Variants in TASOR observed in about 807,000 individuals in gnomAD.
TASOR encodes protein TASOR.
A neutral mutation model predicts 178.6 loss-of-function variants in TASOR; 53 were observed. That is an observed-to-expected ratio of 0.30 (90% CI 0.24 to 0.37). The LOEUF (loss-of-function observed/expected upper bound fraction) is 0.37, where lower values mean the gene tolerates loss of function less well. Among genes scored for constraint, TASOR ranks in the 10% least tolerant of loss-of-function variants. The pLI, the probability that TASOR is intolerant of heterozygous loss-of-function variation, is 1.00. For missense variants in TASOR, 1,815 were observed against 1,971.4 expected, an observed-to-expected ratio of 0.92 and a Z score of 1.50; for synonymous variants, 713 against 696.2, an observed-to-expected ratio of 1.02 and a Z score of -0.38.
At position 56,627,624 on chromosome 3, in the gene TASOR, C is replaced by A; in HGVS notation, c.3988G>T (p.Val1330Leu). The change falls in exon 20 of 24, where the codon GTA becomes TTA. Residue 1330 changes from valine (V) to leucine (L), a missense_variant. Val to Leu is a conservative substitution (Grantham distance 32). This residue lies in a region of TASOR where 134 missense variants were observed against 195.2 expected (regional missense o/e 0.69). Coordinates refer to ENST00000683822, the MANE Select transcript of TASOR (RefSeq NM_001365635.2). ...NELFVSGGFI[V>L]SDESILNPEV... ...GGGTTTAGAATTGATTCATCAGATA[C>A]GATAAAACCTCCAGATACAAATAAT... 1 of 1,614,016 alleles carries A rather than the reference C, an allele frequency of 6.2e-7. No individual in the cohort carries two copies. Among genetic ancestry groups the A allele is most frequent in the Non-Finnish European group, 8.5e-7 (1 of 1,179,940 alleles).
chr3:56,661,076 T>A, intron 9 of TASOR, 59 bp from the exon 10 acceptor site: 1 of 1,083,180 alleles, frequency 9.2e-7, no homozygotes, highest in Non-Finnish European at 1.4e-6. Context: ...CTAGCAATCT[T>A]AACACATACA....
At chr3:56,667,951 T>C (rs1176847278) in intron 6 of TASOR, among the ~76,000 whole-genome samples, 2 of 152,198 alleles carry the variant, frequency 1.3e-5, no homozygotes, top group East Asian at 1.9e-4. Flanking sequence ...TTAATAAAGA[T>C]AGAAAATACC....
intron 7 of TASOR, among the ~76,000 whole-genome samples, chr3:56,664,769 T>C (rs1292131323): frequency 2.0e-5 from 3 of 152,220 alleles, no homozygotes; most frequent in African/African-American, 7.2e-5. Flanking sequence ...AAAGCATTTT[T>C]AGAATCAACA....
At chr3:56,653,108 C>A in intron 11 of TASOR, among the ~76,000 whole-genome samples, 1 of 151,486 alleles carries the variant, frequency 6.6e-6, no homozygotes, top group Admixed American at 6.6e-5. Context: ...ACTAAATACA[C>A]GAAAATTAGC....
chr3:56,621,194 C>A lies in TASOR; in HGVS notation c.*1843G>T, dbSNP rs1357248491. 1 of 161,348 alleles carries A rather than the reference C, an allele frequency of 6.2e-6. No homozygotes were observed. The highest frequency in any genetic ancestry group is 1.8e-4 in the East Asian group (1 of 5,606). The allele number at this position is 161,348 out of a possible 1,614,324, so 10.0% of individuals were successfully genotyped here. A position where few individuals can be genotyped will look rare whatever the true frequency, so the allele number is the denominator to read the frequency against. ...CAAAACAACAACAACAAAAAAAAAA[C>A]ACTGTATGTTAAGGGAGACTCCTTC... On this transcript the variant is annotated 3_prime_UTR_variant, in exon 24 of 24. Transcript: ENST00000683822.
Position 56,624,558 on chromosome 3 carries a change from AT to A in TASOR, c.4403del (p.Asn1468IlefsTer30). ...TGATTGAATTGTGATAGCCCACAAG[AT>A]TTTTAAAGTTTTGCATGAAGTCTTC... Reference protein sequence around the residue: ...TAEDFMQNFKNLVGYHNSITE... With the variant: ...TAEDFMQNFKXLVGYHNSITE... On this transcript the variant is annotated frameshift_variant, in exon 23 of 24. Coordinates refer to ENST00000683822, the MANE Select transcript of TASOR (RefSeq NM_001365635.2). LOFTEE classifies it high-confidence loss of function. The A allele has an allele frequency of 6.2e-7, 1 of 1,614,134 alleles. No individual in the cohort carries two copies. Among genetic ancestry groups the A allele is most frequent in the Non-Finnish European group, 8.5e-7 (1 of 1,180,002 alleles).
At chr3:56,658,563 T>A (rs1559841755) in intron 11 of TASOR, among the ~76,000 whole-genome samples, 1 of 152,174 alleles carries the variant, frequency 6.6e-6, no homozygotes, top group East Asian at 1.9e-4. Context: ...TAGTCAGGCT[T>A]TCAGAAGAAA....
At chr3:56,627,767 G>GA in intron 19 of TASOR, 26 bp from the exon 20 acceptor site, 1 of 1,605,840 alleles carries the variant, frequency 6.2e-7, no homozygotes, top group Non-Finnish European at 8.5e-7. Context: ...AACAAAAAGA[G>GA]AAACAGATGG....
Position 56,621,581 on chromosome 3 carries a change from C to G in TASOR, c.*1456G>C. On this transcript the variant is annotated 3_prime_UTR_variant, in exon 24 of 24. Transcript: ENST00000683822. ...TTGGAAAGTAGTCTCCTGCCTTTAGCTGAAAATCAAGAAGAGAGTTTTGGT... is the reference window on the plus strand; with the variant it reads ...TTGGAAAGTAGTCTCCTGCCTTTAGGTGAAAATCAAGAAGAGAGTTTTGGT... 6.2e-7 allele frequency: 1 copy of G among 1,601,172 alleles called. No individual in the cohort carries two copies. The highest frequency in any genetic ancestry group is 2.2e-5 in the East Asian group (1 of 44,552).
At chr3:56,653,613 C>A (rs1443236679) in intron 11 of TASOR, among the ~76,000 whole-genome samples, 1 of 152,036 alleles carries the variant, frequency 6.6e-6, no homozygotes, top group Non-Finnish European at 1.5e-5. Flanking sequence ...GTGTACCCAG[C>A]ACCCAATGAT....
chr3:56,673,751 A>C lies in TASOR; in HGVS notation c.332-26T>G, dbSNP rs1014431615. The C allele has an allele frequency of 2.0e-6, 3 of 1,525,942 alleles. No homozygotes were observed. In the African/African-American group the frequency reaches 4.2e-5, roughly 21 times the overall value. The allele number at this position is 1,525,942 out of a possible 1,614,324, so 94.5% of individuals were successfully genotyped here. A position where few individuals can be genotyped will look rare whatever the true frequency, so the allele number is the denominator to read the frequency against. ...CTAAAATAAAAAAACAAACATTTAA[A>C]ATGTTTAACATTACTCCATCTTAAA... On this transcript the variant is annotated intron_variant, in intron 1 of 23. Coordinates refer to ENST00000683822, the MANE Select transcript of TASOR (RefSeq NM_001365635.2).
intron 11 of TASOR, among the ~76,000 whole-genome samples, chr3:56,652,529 G>A (rs1301897219): frequency 6.7e-6 from 1 of 149,100 alleles, no homozygotes; most frequent in African/African-American, 2.5e-5. Flanking sequence ...ACTCCAGCCT[G>A]GATGACAAAG....
chr3:56,673,505 C>T (rs2030960570), intron 2 of TASOR, 75 bp downstream of exon 2: 276 of 852,186 alleles, frequency 3.2e-4, no homozygotes, highest in South Asian at 2.2e-3. Flanking sequence ...TTTAGTATTT[C>T]TAGAGAACAT....
intron 21 of TASOR, among the ~76,000 whole-genome samples, chr3:56,625,784 C>T (rs562595679): frequency 6.6e-6 from 1 of 152,158 alleles, no homozygotes; most frequent in East Asian, 1.9e-4. Flanking sequence ...CCACCACACC[C>T]AGCTAATTTT....
At position 56,620,806 on chromosome 3, in the gene TASOR, C is replaced by G. The variant is rs10865999; in HGVS notation, c.*2231G>C. ...ATCAATATAGCACCCAGTGTTATTT[C>G]AGCAGGACCCTTCTGTTAGCATCTA... On this transcript the variant is annotated 3_prime_UTR_variant, in exon 24 of 24. Coordinates refer to ENST00000683822, the MANE Select transcript of TASOR (RefSeq NM_001365635.2). The G allele has an allele frequency of 0.32, 49,411 of 152,036 alleles. 8,517 individuals are homozygous for G. The highest frequency in any genetic ancestry group is 0.49 in the East Asian group (2,505 of 5,162). The allele number at this position is 152,036 out of a possible 1,614,324, so 9.4% of individuals were successfully genotyped here.
At chr3:56,632,929 T>G (rs9878373) in intron 18 of TASOR, 115 bp downstream of exon 18, 468,467 of 871,536 alleles carry the variant, frequency 0.54, 136,026 homozygotes, top group East Asian at 0.93. Flanking sequence ...TAGCCACCAT[T>G]CCTGGCCTAA....
At position 56,622,259 on chromosome 3, in the gene TASOR, T is replaced by C. The variant is rs1451604619; in HGVS notation, c.*778A>G. 6.6e-6 allele frequency: 1 copy of C among 152,170 alleles called. No homozygotes were observed. Among genetic ancestry groups the C allele is most frequent in the Non-Finnish European group, 1.5e-5 (1 of 68,004 alleles). The allele number at this position is 152,170 out of a possible 1,614,324, so 9.4% of individuals were successfully genotyped here. Reference sequence around the variant, plus strand: ...TCCACTGTATCTGTCTAGTATAGCATTAATGTGTTCAACAAATGGTAATTA... The same window carrying C: ...TCCACTGTATCTGTCTAGTATAGCACTAATGTGTTCAACAAATGGTAATTA... On this transcript the variant is annotated 3_prime_UTR_variant, in exon 24 of 24. Transcript: ENST00000683822.
At chr3:56,625,274 A>T (rs907482038) in intron 21 of TASOR, among the ~76,000 whole-genome samples, 1 of 152,236 alleles carries the variant, frequency 6.6e-6, no homozygotes, top group Non-Finnish European at 1.5e-5. Flanking sequence ...TAAATAATAA[A>T]TTATGATTAC....
chr3:56,652,436 C>T (rs1006974618), intron 11 of TASOR, among the ~76,000 whole-genome samples: 1 of 151,606 alleles, frequency 6.6e-6, no homozygotes, highest in African/African-American at 2.4e-5. Context: ...CACCTGTAGC[C>T]CCAGCTACCC....
Sources: gnomAD v4.1 joint callset for allele counts (sites outside exome capture counted in the v4.1 genomes callset) on GRCh38, gnomAD v4.1.1 for gene constraint, gnomAD v4.1.1 regional missense constraint, MANE v1.5 for transcripts, NCBI Gene and HGNC (gene_info 2026-07-23, HGNC 2026-07-21) for gene names.